SMAD7: variants seen among roughly 807,000 people sequenced by gnomAD.
SMAD7 encodes the protein MAD (mothers against decapentaplegic, Drosophila) homolog 7.
A neutral mutation model predicts 38.7 loss-of-function variants in SMAD7; 8 were observed. That is an observed-to-expected ratio of 0.21 (90% CI 0.12 to 0.37). The LOEUF (loss-of-function observed/expected upper bound fraction) is 0.37, where lower values mean the gene tolerates loss of function less well. Among genes scored for constraint, SMAD7 ranks in the 10% least tolerant of loss-of-function variants. The pLI is 1.00. For missense variants in SMAD7, 477 were observed against 577.9 expected (o/e 0.83, Z 1.79); for synonymous variants, 327 against 265.1 (o/e 1.23, Z -2.27).
rs1400668752 is a variant in SMAD7, at chr18:48,950,021, C to T, written c.404G>A (p.Arg135Lys). The change falls in exon 1 of 4, where the codon AGG (arginine) becomes AAG (lysine). Residue 135 changes from arginine (R) to lysine (K), a missense_variant. By Grantham distance (26) the Arg-to-Lys change is conservative. Around this residue, in one of 2 missense-constraint regions of SMAD7, gnomAD observed 376 missense variants for 379.4 expected, o/e 0.99. Coordinates refer to ENST00000262158, the MANE Select transcript of SMAD7 (RefSeq NM_005904.4). ...GCCGGCGGGCGCCCCCGGGCCCAGC[C>T]TGCAGTCCAGGCGGCCGGGCAGCAG... is the stretch of plus-strand genomic sequence containing the variant. ...CLLLPGRLDC[R>K]LGPGAPAGAQ... 1 of 1,529,668 alleles carries T rather than the reference C, an allele frequency of 6.5e-7. No individual in the cohort carries two copies. The highest frequency in any genetic ancestry group is 8.8e-7 in the Non-Finnish European group (1 of 1,142,052). 94.8% of individuals were successfully genotyped at this position (1,529,668 alleles called of 1,614,324 possible). A position where few individuals can be genotyped will look rare whatever the true frequency, so the allele number is the denominator to read the frequency against.
intron 3 of SMAD7, 143 bp from the exon 4 acceptor site, chr18:48,922,053 T>A (rs1298887076): frequency 3.0e-6 from 2 of 673,104 alleles, no homozygotes; most frequent in Non-Finnish European, 4.9e-6. Context: ...AGGCTAGTCC[T>A]GGACTTGCCC....
chr18:48,938,984 C>T (rs1367754286), intron 3 of SMAD7, among the ~76,000 whole-genome samples: 1 of 152,170 alleles, frequency 6.6e-6, no homozygotes, highest in African/African-American at 2.4e-5. Flanking sequence ...AATCAATCCA[C>T]AAACTCCACC....
At chr18:48,924,151 T>C (rs937894207) in intron 3 of SMAD7, among the ~76,000 whole-genome samples, 2 of 137,634 alleles carry the variant, frequency 1.5e-5, no homozygotes, top group African/African-American at 2.7e-5. Flanking sequence ...TTTGCTTATT[T>C]TCCCAATTCG....
At chr18:48,935,103 C>T (rs768053641) in intron 3 of SMAD7, among the ~76,000 whole-genome samples, 4 of 152,156 alleles carry the variant, frequency 2.6e-5, no homozygotes, top group African/African-American at 4.8e-5. Context: ...ACTGAATCCA[C>T]GGGGCACCTT....
At chr18:48,937,264 A>ATGTGCG (rs2070078870) in intron 3 of SMAD7, among the ~76,000 whole-genome samples, 1 of 119,778 alleles carries the variant, frequency 8.3e-6, no homozygotes, top group East Asian at 2.4e-4. Flanking sequence ...AAGTAAAGGC[A>ATGTGCG]TGTGTGTGTG....
At chr18:48,933,671 C>A (rs1020508685) in intron 3 of SMAD7, 2 of 152,524 alleles carry the variant, frequency 1.3e-5, no homozygotes, top group African/African-American at 4.8e-5. Context: ...ACGGAGGACA[C>A]AAGAGGGAAG....
chr18:48,948,396 G>A lies in SMAD7; in HGVS notation c.655C>T (p.Leu219Phe). The A allele has an allele frequency of 6.2e-7, 1 of 1,601,008 alleles. No homozygotes were observed. Among genetic ancestry groups the A allele is most frequent in the Non-Finnish European group, 8.5e-7 (1 of 1,173,394 alleles). Reference protein sequence around the residue: ...PPYSRYPMDFLKPTADCPDAV... With the variant: ...PPYSRYPMDFFKPTADCPDAV... ...ATCATCTACTCACCAGTTGGTTTGA[G>A]AAAATCCATCGGGTATCTGGAGTAA... Residue 219 changes from leucine (L) to phenylalanine (F), a missense_variant, in exon 2 of 4, where the codon CTC (leucine) becomes TTC (phenylalanine). Coordinates refer to ENST00000262158, the MANE Select transcript of SMAD7 (RefSeq NM_005904.4).
chr18:48,948,335 C>CT, intron 2 of SMAD7, 49 bp downstream of exon 2: 1 of 1,361,736 alleles, frequency 7.3e-7, no homozygotes. Flanking sequence ...TCTAGAGGCT[C>CT]TATTTCTAAC....
At chr18:48,945,430 C>A (rs760228169) in intron 2 of SMAD7, among the ~76,000 whole-genome samples, 5 of 151,950 alleles carry the variant, frequency 3.3e-5, no homozygotes, top group Non-Finnish European at 5.9e-5. Context: ...CCACTGCACT[C>A]CAGCCTGGGC....
chr18:48,934,416 G>C (rs1465810402), intron 3 of SMAD7, among the ~76,000 whole-genome samples: 1 of 151,634 alleles, frequency 6.6e-6, no homozygotes, highest in African/African-American at 2.4e-5. Flanking sequence ...TGGGTAAAAA[G>C]GCTAAAGGCG....
In SMAD7 at chr18:48,921,300, A is replaced by G. The variant is rs567738728; in HGVS notation, c.*72T>C. On this transcript the variant is annotated 3_prime_UTR_variant, in exon 4 of 4. Transcript: ENST00000262158. The surrounding 1 kb of genome is among the most constrained non-coding windows in gnomAD (Gnocchi z 6.4). ...TTTGCATGAAAAGCAAGCACTCAGG[A>G]GGAAAATATTAGCAGCAAAGTAGTT... 9 of 1,355,902 alleles carry G rather than the reference A, an allele frequency of 6.6e-6. No individual in the cohort carries two copies. The East Asian group carries it at 2.1e-4, about 32-fold the overall frequency. 84.0% of individuals were successfully genotyped at this position (1,355,902 alleles called of 1,614,324 possible). A position where few individuals can be genotyped will look rare whatever the true frequency, so the allele number is the denominator to read the frequency against.
chr18:48,926,114 A>G (rs903070721), intron 3 of SMAD7, among the ~76,000 whole-genome samples: 1 of 152,182 alleles, frequency 6.6e-6, no homozygotes. Context: ...GAGGGGGGAA[A>G]GGCCTTGCTC....
In SMAD7 at chr18:48,921,351, C is replaced by T. The variant is rs750412898; in HGVS notation, c.*21G>A. ...TGAAGTGTGGCCTGCTCAGCTCACG[C>T]TCTGTCCCCTCCGCACGCGGCTACC... On this transcript the variant is annotated 3_prime_UTR_variant, in exon 4 of 4. Coordinates refer to ENST00000262158, the MANE Select transcript of SMAD7 (RefSeq NM_005904.4). The surrounding 1 kb of genome is among the most constrained non-coding windows in gnomAD (Gnocchi z 6.4). The T allele has an allele frequency of 1.4e-5, 22 of 1,598,270 alleles. No individual in the cohort carries two copies. Among genetic ancestry groups the T allele is most frequent in the Middle Eastern group, 1.8e-4 (1 of 5,666 alleles).
Position 48,950,528 on chromosome 18 carries a change from A to T in SMAD7, c.-104T>A. Reference sequence around the variant, plus strand: ...GGCGCCGAGTTGGGGCAGCAGGCGCAGGCGACAGCAGCAGCAGCAGGGGCC... The same window carrying T: ...GGCGCCGAGTTGGGGCAGCAGGCGCTGGCGACAGCAGCAGCAGCAGGGGCC... On this transcript the variant is annotated 5_prime_UTR_variant, in exon 1 of 4. Transcript: ENST00000262158. 8.6e-7 allele frequency: 1 copy of T among 1,162,898 alleles called. No individual in the cohort carries two copies. The highest frequency in any genetic ancestry group is 3.3e-5 in the Admixed American group (1 of 30,004). The allele number at this position is 1,162,898 out of a possible 1,614,324, so 72.0% of individuals were successfully genotyped here.
At chr18:48,927,085 A>G (rs2069937353) in intron 3 of SMAD7, among the ~76,000 whole-genome samples, 1 of 152,224 alleles carries the variant, frequency 6.6e-6, no homozygotes, top group African/African-American at 2.4e-5. Flanking sequence ...CTCATCCAAA[A>G]GAGGAAATAG....
chr18:48,950,144 G>C lies in SMAD7; in HGVS notation c.281C>G (p.Ala94Gly). ...TTTCTTGAGCACCGAGTGCGTGAGC[G>C]CCTTCAGATCCGCCTCGGCGCCCCC... ...AAGGAEADLKALTHSVLKKLK... is the reference protein window; with the variant it reads ...AAGGAEADLKGLTHSVLKKLK... The change falls in exon 1 of 4, where the codon GCG becomes GGG. Residue 94 changes from alanine to glycine, a missense_variant. Physicochemically the swap from Ala to Gly is moderately conservative, Grantham distance 60. Transcript: ENST00000262158. 6.7e-7 allele frequency: 1 copy of C among 1,495,740 alleles called. No homozygotes were observed. The highest frequency in any genetic ancestry group is 8.9e-7 in the Non-Finnish European group (1 of 1,126,608). 92.7% of individuals were successfully genotyped at this position (1,495,740 alleles called of 1,614,324 possible).
chr18:48,950,024 C>T lies in SMAD7; in HGVS notation c.401G>A (p.Cys134Tyr). 1.3e-6 allele frequency: 2 copies of T among 1,511,958 alleles called. No homozygotes were observed. Among genetic ancestry groups the T allele is most frequent in the Non-Finnish European group, 1.8e-6 (2 of 1,132,946 alleles). The allele number at this position is 1,511,958 out of a possible 1,614,324, so 93.7% of individuals were successfully genotyped here. The change falls in exon 1 of 4, where the codon TGC (cysteine) becomes TAC (tyrosine). Residue 134 changes from cysteine (C) to tyrosine (Y), a missense_variant. Cys to Tyr is a radical substitution (Grantham distance 194). This residue lies in a region of SMAD7 where 376 missense variants were observed against 379.4 expected (regional missense o/e 0.99). Coordinates refer to ENST00000262158, the MANE Select transcript of SMAD7 (RefSeq NM_005904.4). Reference protein sequence around the residue: ...ACLLLPGRLDCRLGPGAPAGA... With the variant: ...ACLLLPGRLDYRLGPGAPAGA... The stretch of plus-strand genomic sequence containing the variant: ...GGCGGGCGCCCCCGGGCCCAGCCTG[C>T]AGTCCAGGCGGCCGGGCAGCAGGAG...
chr18:48,947,258 G>A (rs535615089), intron 2 of SMAD7, among the ~76,000 whole-genome samples: 2 of 152,344 alleles, frequency 1.3e-5, no homozygotes, highest in South Asian at 4.1e-4. Flanking sequence ...CAACTTGAGG[G>A]AGCTGGTAGA....
In SMAD7 at chr18:48,936,117, C is replaced by CACACACACA. The variant is rs1211505658; in HGVS notation, c.742+6363_742+6364insTGTGTGTGT. ...ACACACACACACACACACACACACACCACACACACACACACGAGATCCCAG... is the reference window on the plus strand; with the variant it reads ...ACACACACACACACACACACACACACACACACACACACACACACACACACGAGATCCCAG... On this transcript the variant is annotated intron_variant, in intron 3 of 3. Transcript: ENST00000262158. Among the ~76,000 whole-genome samples, 95 of 14,240 alleles carry CACACACACA rather than the reference C, an allele frequency of 6.7e-3. 3 individuals carry two copies. The highest frequency in any genetic ancestry group is 0.033 in the Middle Eastern group (1 of 30). 9.3% of individuals were successfully genotyped at this position (14,240 alleles called of 152,430 possible). A position where few individuals can be genotyped will look rare whatever the true frequency, so the allele number is the denominator to read the frequency against.
Sources: allele counts gnomAD v4.1 joint callset (sites outside exome capture counted in the v4.1 genomes callset), GRCh38; gene constraint gnomAD v4.1.1; regional missense constraint gnomAD v4.1.1; non-coding constraint Gnocchi (gnomAD v3.1); transcripts MANE v1.5; gene names NCBI Gene and HGNC (gene_info 2026-07-23, HGNC 2026-07-21).